The following NRG3 variants were observed in gnomAD, a reference collection of about 807,000 sequenced individuals.
NRG3 encodes the protein neuregulin 3, also known as pro-neuregulin-3, membrane-bound isoform.
A neutral mutation model predicts 66.9 loss-of-function variants in NRG3; 31 were observed. The observed-to-expected ratio is 0.46, with a 90% confidence interval of 0.35 to 0.63. The LOEUF is 0.63. Ranked by LOEUF, NRG3 falls within the 20% of genes least tolerant of loss-of-function variation. The pLI is 0.00. For missense variants in NRG3, 910 were observed against 878.9 expected, an observed-to-expected ratio of 1.04 and a Z score of -0.45; for synonymous variants, 393 against 359.4, an observed-to-expected ratio of 1.09 and a Z score of -1.06.
At chr10:82,178,099 T>C (rs1277256517) in intron 1 of NRG3, among the ~76,000 whole-genome samples, 6 of 152,108 alleles carry the variant, frequency 3.9e-5, no homozygotes, top group Non-Finnish European at 7.4e-5. Flanking sequence ...ATTTTATTGG[T>C]TAATGTAGAA....
intron 3 of NRG3, among the ~76,000 whole-genome samples, chr10:82,823,764 G>A (rs931666465): frequency 2.6e-5 from 4 of 152,042 alleles, no homozygotes; most frequent in Admixed American, 6.6e-5. Flanking sequence ...GTAACCCCAG[G>A]GCTTGACTGA....
rs1361208606 is a variant in NRG3 at position 82,072,143 on chromosome 10, A to G, written c.823+195980A>G. The stretch of plus-strand genomic sequence containing the variant: ...TTTTGTCTCCCTTTCTTACCCAAAC[A>G]TGTTTGCATATGATATAAAACTGCA... On this transcript the variant is annotated intron_variant, in intron 1 of 8. Transcript: ENST00000372141. Among the ~76,000 whole-genome samples the G allele has an allele frequency of 3.9e-5, 6 of 152,184 alleles. No homozygotes were observed. The South Asian group carries it at 6.2e-4, about 16-fold the overall frequency.
chr10:82,443,278 G>A (rs1177496134), intron 2 of NRG3, among the ~76,000 whole-genome samples: 6 of 151,950 alleles, frequency 3.9e-5, no homozygotes, highest in Non-Finnish European at 8.8e-5. Flanking sequence ...AGTAGCCTAG[G>A]ACAAAACCAC....
At chr10:82,003,099 T>C (rs1010985035) in intron 1 of NRG3, among the ~76,000 whole-genome samples, 1 of 152,050 alleles carries the variant, frequency 6.6e-6, no homozygotes, top group Non-Finnish European at 1.5e-5. Context: ...AGGTATTAGT[T>C]TGAAAAAAGG....
intron 1 of NRG3, among the ~76,000 whole-genome samples, chr10:82,237,687 C>T (rs1004431602): frequency 6.6e-6 from 1 of 152,106 alleles, no homozygotes; most frequent in Non-Finnish European, 1.5e-5. Context: ...TTCCTCTGAG[C>T]ATAAATGGCT....
chr10:82,606,186 C>T (rs932655168), intron 2 of NRG3, among the ~76,000 whole-genome samples: 1 of 152,132 alleles, frequency 6.6e-6, no homozygotes, highest in Non-Finnish European at 1.5e-5. Flanking sequence ...TACTGCTAGG[C>T]ACTGCCTTTG....
At chr10:82,775,292 T>C (rs1028964743) in intron 3 of NRG3, among the ~76,000 whole-genome samples, 6 of 152,054 alleles carry the variant, frequency 3.9e-5, no homozygotes, top group Non-Finnish European at 7.4e-5. Context: ...CCATAGGTTT[T>C]TATATGTTGT....
At chr10:82,312,192 G>T (rs115410438) in intron 1 of NRG3, among the ~76,000 whole-genome samples, 49 of 152,240 alleles carry the variant, frequency 3.2e-4, no homozygotes, top group African/African-American at 1.2e-3. Flanking sequence ...TTAACAGAGG[G>T]CATCTCACAC....
At chr10:82,493,005 T>C (rs1843287965) in intron 2 of NRG3, among the ~76,000 whole-genome samples, 1 of 152,202 alleles carries the variant, frequency 6.6e-6, no homozygotes, top group South Asian at 2.1e-4. Context: ...TAGTTGGGTA[T>C]CCCTGCTGGG....
At chr10:82,311,825 C>G (rs2081045675) in intron 1 of NRG3, among the ~76,000 whole-genome samples, 1 of 152,140 alleles carries the variant, frequency 6.6e-6, no homozygotes, top group East Asian at 1.9e-4. Flanking sequence ...CACAATCATT[C>G]AAGTAGTAAA....
chr10:82,098,338 A>C (rs1564560165), intron 1 of NRG3, among the ~76,000 whole-genome samples: 1 of 151,672 alleles, frequency 6.6e-6, no homozygotes, highest in African/African-American at 2.4e-5. Flanking sequence ...TATATGACAT[A>C]TATATAGATG....
intron 1 of NRG3, among the ~76,000 whole-genome samples, chr10:82,019,615 G>A (rs969192272): frequency 5.9e-5 from 9 of 151,974 alleles, no homozygotes; most frequent in Non-Finnish European, 8.8e-5. Context: ...CAATTTCAGG[G>A]CCTGTTATTG....
At chr10:82,334,132 G>C (rs537924945) in intron 1 of NRG3, among the ~76,000 whole-genome samples, 1 of 114,512 alleles carries the variant, frequency 8.7e-6, no homozygotes, top group Non-Finnish European at 1.6e-5. Flanking sequence ...ATGGCATGGC[G>C]TCTCAAAAAA....
At chr10:82,915,512 C>A (rs903175045) in intron 4 of NRG3, among the ~76,000 whole-genome samples, 5 of 152,038 alleles carry the variant, frequency 3.3e-5, no homozygotes, top group African/African-American at 9.7e-5. Context: ...TTAAAATAAA[C>A]AATATTCCTG....
chr10:82,895,753 A>C (rs1843607101), intron 4 of NRG3, among the ~76,000 whole-genome samples: 1 of 152,106 alleles, frequency 6.6e-6, no homozygotes, highest in Non-Finnish European at 1.5e-5. Context: ...GCCTCCCAAA[A>C]GTGCTGGGAT....
intron 3 of NRG3, among the ~76,000 whole-genome samples, chr10:82,792,559 C>A (rs1273767567): frequency 6.6e-6 from 1 of 152,120 alleles, no homozygotes; most frequent in African/African-American, 2.4e-5. Flanking sequence ...GGTCTTGCTA[C>A]TGCATTCTGA....
intron 2 of NRG3, among the ~76,000 whole-genome samples, chr10:82,451,380 T>C (rs1057020429): frequency 6.6e-6 from 1 of 152,146 alleles, no homozygotes; most frequent in African/African-American, 2.4e-5. Flanking sequence ...GTACAATTGA[T>C]TTGGCTGTCA....
In NRG3 at chr10:82,384,888, C is replaced by G. The variant is rs190291112; in HGVS notation, c.953+26020C>G. ...CACAATGGTTGAACTAATTTACACT[C>G]CCACCAACAGTGTAAAAACATTAAT... is the stretch of plus-strand genomic sequence containing the variant. On this transcript the variant is annotated intron_variant, in intron 2 of 8. Coordinates refer to ENST00000372141, the MANE Select transcript of NRG3 (RefSeq NM_001010848.4). Among the ~76,000 whole-genome samples, 35 of 152,326 alleles carry G rather than the reference C, an allele frequency of 2.3e-4. 1 individual carries two copies. Among genetic ancestry groups the G allele is most frequent in the Non-Finnish European group, 5.0e-4 (34 of 68,026 alleles).
At chr10:82,466,048 A>G (rs1840648977) in intron 2 of NRG3, among the ~76,000 whole-genome samples, 1 of 152,078 alleles carries the variant, frequency 6.6e-6, no homozygotes, top group Non-Finnish European at 1.5e-5. Context: ...TCCTGACTTC[A>G]TTGGCTCTGC....
Sources: gnomAD v4.1 joint callset for allele counts (sites outside exome capture counted in the v4.1 genomes callset) on GRCh38, gnomAD v4.1.1 for gene constraint, MANE v1.5 for transcripts, NCBI Gene and HGNC (gene_info 2026-07-23, HGNC 2026-07-21) for gene names.